ANAPC7: variants seen among roughly 807,000 people sequenced by gnomAD.
ANAPC7 encodes anaphase promoting complex subunit 7.
In ANAPC7, 25 loss-of-function variants were observed where a neutral mutation model predicts 63.3. That is an observed-to-expected ratio of 0.39 (90% CI 0.29 to 0.55). The LOEUF (loss-of-function observed/expected upper bound fraction) is 0.55. ANAPC7 is among the 20% of genes least tolerant of loss of function. The pLI is 0.57. For missense variants in ANAPC7, 516 were observed against 691.7 expected, an observed-to-expected ratio of 0.75 and a Z score of 2.85; for synonymous variants, 241 against 251.7, an observed-to-expected ratio of 0.96 and a Z score of 0.40.
At chr12:110,389,825 A>G (rs950855340) in intron 3 of ANAPC7, among the ~76,000 whole-genome samples, 4 of 151,626 alleles carry the variant, frequency 2.6e-5, no homozygotes, top group Non-Finnish European at 4.4e-5. Flanking sequence ...CCAGCTACTC[A>G]GGAGGCTGAG....
chr12:110,377,268 C>T, intron 9 of ANAPC7, 125 bp downstream of exon 9: 1 of 800,778 alleles, frequency 1.2e-6, no homozygotes, highest in Non-Finnish European at 2.0e-6. Context: ...CAAGCAGGCT[C>T]AGACCTGCTG....
At chr12:110,378,176 T>A (rs1413989053) in intron 8 of ANAPC7, 4 of 154,122 alleles carry the variant, frequency 2.6e-5, no homozygotes, top group African/African-American at 9.6e-5. Context: ...CTCACTGCAA[T>A]CTCCGCCTCC....
At position 110,387,932 on chromosome 12, in the gene ANAPC7, A is replaced by C. The variant is rs368734362; in HGVS notation, c.521-40T>G. Reference sequence around the variant, plus strand: ...AGCAGAAGAAAGAAAGTAAGGCACGATATCTCTCTTCCACATGCAAGGAGC... The same window carrying C: ...AGCAGAAGAAAGAAAGTAAGGCACGCTATCTCTCTTCCACATGCAAGGAGC... On this transcript the variant is annotated intron_variant, in intron 4 of 10. Coordinates refer to ENST00000455511, the MANE Select transcript of ANAPC7 (RefSeq NM_016238.3). The C allele has an allele frequency of 1.9e-6, 3 of 1,604,658 alleles. No homozygotes were observed. The South Asian group carries it at 3.3e-5, about 18-fold the overall frequency.
intron 3 of ANAPC7, 23 bp from the exon 4 acceptor site, chr12:110,388,646 T>C: frequency 6.5e-7 from 1 of 1,548,842 alleles, no homozygotes; most frequent in Non-Finnish European, 8.9e-7. Flanking sequence ...AAATAACAGA[T>C]AGCAAAATAA....
At position 110,374,323 on chromosome 12, in the gene ANAPC7, T is replaced by C; in HGVS notation, c.1519A>G (p.Asn507Asp). ...ATCCCCTCTAGAGACTTCTGGTCAT[T>C]GGGGTCCAAACTAGGGGACAACAAA... Reference protein sequence around the residue: ...QYSIALSLDPNDQKSLEGMQK... With the variant: ...QYSIALSLDPDDQKSLEGMQK... Residue 507 changes from asparagine to aspartate, a missense_variant, in exon 11 of 11, where the codon AAT becomes GAT. Asn to Asp is a conservative substitution (Grantham distance 23). Transcript: ENST00000455511. 1 of 1,613,972 alleles carries C rather than the reference T, an allele frequency of 6.2e-7. No individual in the cohort carries two copies. The highest frequency in any genetic ancestry group is 8.5e-7 in the Non-Finnish European group (1 of 1,179,956).
intron 1 of ANAPC7, among the ~76,000 whole-genome samples, chr12:110,400,927 G>A (rs1306529730): frequency 6.6e-6 from 1 of 151,856 alleles, no homozygotes; most frequent in East Asian, 1.9e-4. Flanking sequence ...GTGCGAATCT[G>A]TAATCCCTGC....
chr12:110,388,949 G>A (rs1007027035), intron 3 of ANAPC7, among the ~76,000 whole-genome samples: 2 of 151,946 alleles, frequency 1.3e-5, no homozygotes, highest in African/African-American at 2.4e-5. Flanking sequence ...GGGCGTGGTG[G>A]CGGGAGCCTG....
At chr12:110,379,741 C>T (rs1566260990) in intron 8 of ANAPC7, among the ~76,000 whole-genome samples, 1 of 152,184 alleles carries the variant, frequency 6.6e-6, no homozygotes, top group Non-Finnish European at 1.5e-5. Flanking sequence ...AAGAGCAAAT[C>T]ACTCCTAGAC....
intron 9 of ANAPC7, among the ~76,000 whole-genome samples, chr12:110,376,436 G>A (rs980885143): frequency 5.9e-5 from 9 of 151,636 alleles, no homozygotes; most frequent in Non-Finnish European, 1.0e-4. Flanking sequence ...GGGCTTGGTG[G>A]CAGGTGCCTG....
rs150081950 is a variant in ANAPC7, at chr12:110,386,242, C to T, written c.817+85G>A. On this transcript the variant is annotated intron_variant, in intron 6 of 10. Transcript: ENST00000455511. The stretch of plus-strand genomic sequence containing the variant: ...ACACCATTTCTATGAAACTTGGTAT[C>T]GAGTATTAATGCTGCATATTCTCCC... 2.3e-3 allele frequency: 3,630 copies of T among 1,553,512 alleles called. 10 individuals carry two copies. Among genetic ancestry groups the T allele is most frequent in the South Asian group, 3.1e-3 (264 of 85,146 alleles).
intron 3 of ANAPC7, among the ~76,000 whole-genome samples, chr12:110,394,238 C>T (rs1235437964): frequency 6.6e-6 from 1 of 151,950 alleles, no homozygotes; most frequent in Admixed American, 6.6e-5. Flanking sequence ...CACCTGTAAT[C>T]CCAGCACTTT....
At chr12:110,393,006 G>A (rs867239096) in intron 3 of ANAPC7, among the ~76,000 whole-genome samples, 4 of 152,100 alleles carry the variant, frequency 2.6e-5, no homozygotes, top group Admixed American at 1.3e-4. Flanking sequence ...TGTTGGTCAA[G>A]CTGGTCTCGA....
At chr12:110,402,422 C>T (rs1028687255) in intron 1 of ANAPC7, among the ~76,000 whole-genome samples, 1 of 151,854 alleles carries the variant, frequency 6.6e-6, no homozygotes, top group African/African-American at 2.4e-5. Flanking sequence ...CTCCGCCTCC[C>T]GGGTTCACGT....
intron 7 of ANAPC7, among the ~76,000 whole-genome samples, chr12:110,382,615 C>T (rs998622184): frequency 1.3e-5 from 2 of 150,972 alleles, no homozygotes; most frequent in East Asian, 3.9e-4. Context: ...CTGCCGCCCA[C>T]CTGGAGTGCA....
intron 10 of ANAPC7, chr12:110,375,763 T>C: frequency 9.6e-7 from 1 of 1,037,326 alleles, no homozygotes; most frequent in Non-Finnish European, 1.2e-6. Flanking sequence ...ATATACTAGG[T>C]ACAGCCCTAT....
intron 8 of ANAPC7, among the ~76,000 whole-genome samples, chr12:110,381,077 C>T (rs530921690): frequency 6.6e-6 from 1 of 151,320 alleles, no homozygotes; most frequent in South Asian, 2.1e-4. Context: ...AAAACCCCAT[C>T]CCAACTATAC....
chr12:110,394,796 G>T (rs941926894), intron 3 of ANAPC7, among the ~76,000 whole-genome samples: 1 of 151,856 alleles, frequency 6.6e-6, no homozygotes, highest in Non-Finnish European at 1.5e-5. Context: ...CAGTGAGCCA[G>T]GATCACAACA....
At chr12:110,393,930 TG>T (rs1455756083) in intron 3 of ANAPC7, among the ~76,000 whole-genome samples, 1 of 149,276 alleles carries the variant, frequency 6.7e-6, no homozygotes, top group African/African-American at 2.5e-5. Context: ...CCTAGCACTT[TG>T]GGAGGCCGTG....
chr12:110,391,996 G>A (rs531660531), intron 3 of ANAPC7, among the ~76,000 whole-genome samples: 8 of 151,204 alleles, frequency 5.3e-5, no homozygotes, highest in Admixed American at 4.0e-4. Context: ...GGAGGCTGAG[G>A]TAGGGGAATC....
Sources: gnomAD v4.1 joint callset for allele counts (sites outside exome capture counted in the v4.1 genomes callset) on GRCh38, gnomAD v4.1.1 for gene constraint, MANE v1.5 for transcripts, NCBI Gene and HGNC (gene_info 2026-07-23, HGNC 2026-07-21) for gene names.